RBPMS: variants seen among roughly 807,000 people sequenced by gnomAD.
RBPMS encodes RNA-binding protein with multiple splicing.
In RBPMS, 7 loss-of-function variants were observed where a neutral mutation model predicts 26.8. That is an observed-to-expected ratio of 0.26 (90% CI 0.15 to 0.49). The LOEUF (loss-of-function observed/expected upper bound fraction) is 0.49, where lower values mean the gene tolerates loss of function less well. Ranked by LOEUF, RBPMS falls within the 20% of genes least tolerant of loss-of-function variation. The probability of loss-of-function intolerance (pLI) is 0.98; values close to 1 mark genes in which losing one functional copy is unlikely to be tolerated. For missense variants in RBPMS, 186 were observed against 250.0 expected, an observed-to-expected ratio of 0.74 and a Z score of 1.73; for synonymous variants, 96 against 93.3, an observed-to-expected ratio of 1.03 and a Z score of -0.17.
intron 7 of RBPMS, among the ~76,000 whole-genome samples, chr8:30,563,528 T>C (rs1585901085): frequency 1.3e-5 from 2 of 152,272 alleles, no homozygotes; most frequent in East Asian, 3.9e-4. Context: ...CTTTCAGGAC[T>C]CTTGAAATTT....
At chr8:30,428,579 A>T (rs1585427103) in intron 1 of RBPMS, among the ~76,000 whole-genome samples, 1 of 152,324 alleles carries the variant, frequency 6.6e-6, no homozygotes, top group East Asian at 1.9e-4. Flanking sequence ...ATATAGATGT[A>T]CAGAAATTAA....
chr8:30,505,540 G>C (rs1490160797), intron 5 of RBPMS, among the ~76,000 whole-genome samples: 2 of 152,082 alleles, frequency 1.3e-5, no homozygotes. Flanking sequence ...AATCCAGAAA[G>C]TCATAATAGA....
intron 1 of RBPMS, chr8:30,387,393 G>GT (rs143314147): frequency 1.3e-5 from 2 of 151,666 alleles, no homozygotes; most frequent in Non-Finnish European, 2.9e-5. Context: ...CCTCTTTTTT[G>GT]TTTTTTTCTT....
intron 1 of RBPMS, among the ~76,000 whole-genome samples, chr8:30,462,299 G>A (rs1034706999): frequency 6.6e-5 from 10 of 152,134 alleles, no homozygotes; most frequent in Admixed American, 3.9e-4. Flanking sequence ...TGTATCATAT[G>A]AGATACAATC....
chr8:30,438,161 A>G (rs771922951), intron 1 of RBPMS, among the ~76,000 whole-genome samples: 9 of 152,174 alleles, frequency 5.9e-5, no homozygotes, highest in Non-Finnish European at 8.8e-5. Context: ...TCATGCCTGT[A>G]ATCCCAACAC....
chr8:30,463,450 G>T (rs1412966323), intron 1 of RBPMS, among the ~76,000 whole-genome samples: 1 of 152,174 alleles, frequency 6.6e-6, no homozygotes, highest in African/African-American at 2.4e-5. Context: ...CTCATCACGT[G>T]GACCACCCCA....
chr8:30,417,774 A>G (rs900105517), intron 1 of RBPMS, among the ~76,000 whole-genome samples: 42 of 152,218 alleles, frequency 2.8e-4, no homozygotes, highest in African/African-American at 1.0e-3. Flanking sequence ...GCTGTAACAC[A>G]TTCTTTTTTT....
At chr8:30,521,873 A>G (rs867158538) in intron 5 of RBPMS, among the ~76,000 whole-genome samples, 5 of 152,168 alleles carry the variant, frequency 3.3e-5, no homozygotes, top group Non-Finnish European at 4.4e-5. Flanking sequence ...TTCTTACCAC[A>G]TCCTCCAAAA....
intron 1 of RBPMS, among the ~76,000 whole-genome samples, chr8:30,435,010 A>G (rs963658979): frequency 6.6e-6 from 1 of 151,476 alleles, no homozygotes; most frequent in African/African-American, 2.4e-5. Context: ...CCATCCATCC[A>G]TCCATCCATC....
intron 1 of RBPMS, among the ~76,000 whole-genome samples, chr8:30,392,844 G>C (rs1480894308): frequency 3.3e-5 from 5 of 152,146 alleles, no homozygotes; most frequent in Admixed American, 6.5e-5. Context: ...AAGGTACCTA[G>C]GAGATGAAGA....
rs965183560 is a variant in RBPMS, at chr8:30,415,468, G to A, written c.66+30310G>A. 3.6e-4 allele frequency among the ~76,000 whole-genome samples: 55 copies of A among 152,262 alleles called. 1 individual carries two copies. Among genetic ancestry groups the A allele is most frequent in the African/African-American group, 1.3e-3 (54 of 41,562 alleles). On this transcript the variant is annotated intron_variant, in intron 1 of 8. Coordinates refer to ENST00000397323, the MANE Select transcript of RBPMS (RefSeq NM_001008710.3). ...TTTAACTGTGTCCACTTGCCAGATG[G>A]TCTCATCTGCAACTTTCTCCTGCAG...
At chr8:30,542,399 G>A (rs1480797434) in intron 5 of RBPMS, among the ~76,000 whole-genome samples, 1 of 152,134 alleles carries the variant, frequency 6.6e-6, no homozygotes, top group African/African-American at 2.4e-5. Flanking sequence ...TATCTTAAAG[G>A]ACATACTCAT....
At chr8:30,473,900 A>G (rs556251291) in intron 1 of RBPMS, among the ~76,000 whole-genome samples, 2 of 152,308 alleles carry the variant, frequency 1.3e-5, no homozygotes, top group African/African-American at 4.8e-5. Context: ...GGGCACAGGG[A>G]CACATGATGG....
At chr8:30,420,219 C>G (rs1286965586) in intron 1 of RBPMS, among the ~76,000 whole-genome samples, 1 of 150,434 alleles carries the variant, frequency 6.6e-6, no homozygotes, top group Non-Finnish European at 1.5e-5. Flanking sequence ...TAGAGCAAGA[C>G]CCTGCTTCAA....
At chr8:30,469,888 T>G (rs1244782391) in intron 1 of RBPMS, among the ~76,000 whole-genome samples, 1 of 152,186 alleles carries the variant, frequency 6.6e-6, no homozygotes. Flanking sequence ...ACTTTGTGAA[T>G]GAGCTAAGCT....
chr8:30,493,710 T>A (rs1819636117), intron 4 of RBPMS, among the ~76,000 whole-genome samples: 1 of 152,204 alleles, frequency 6.6e-6, no homozygotes, highest in Non-Finnish European at 1.5e-5. Context: ...TTTCCTATCA[T>A]TGTCAGGGCC....
intron 1 of RBPMS, among the ~76,000 whole-genome samples, chr8:30,414,001 C>G (rs2150590068): frequency 6.6e-6 from 1 of 152,342 alleles, no homozygotes; most frequent in Non-Finnish European, 1.5e-5. Flanking sequence ...CTCAGCCTCC[C>G]AAAGTGCTGG....
At chr8:30,561,972 G>A (rs1827527112) in intron 7 of RBPMS, 3 of 985,300 alleles carry the variant, frequency 3.0e-6, no homozygotes, top group Non-Finnish European at 3.6e-6. Flanking sequence ...CTAGAAGGAC[G>A]AACAATTGCC....
intron 7 of RBPMS, among the ~76,000 whole-genome samples, chr8:30,563,181 G>C (rs1008387070): frequency 6.6e-6 from 1 of 152,206 alleles, no homozygotes; most frequent in Non-Finnish European, 1.5e-5. Context: ...ATCAGGAGAG[G>C]GGGGGTCAGA....
Sources: allele counts gnomAD v4.1 joint callset (sites outside exome capture counted in the v4.1 genomes callset), GRCh38; gene constraint gnomAD v4.1.1; transcripts MANE v1.5; gene names NCBI Gene and HGNC (gene_info 2026-07-23, HGNC 2026-07-21).